The following NDFIP2 variants were observed in gnomAD, a reference collection of about 807,000 sequenced individuals.
NDFIP2 encodes the protein NEDD4 family-interacting protein 2.
Under a neutral mutation model 36.0 loss-of-function variants are expected in NDFIP2, and 19 were observed. The ratio of observed to expected loss-of-function variants is 0.53; its 90% CI spans 0.37 to 0.77. The LOEUF (loss-of-function observed/expected upper bound fraction) is 0.77, where lower values mean the gene tolerates loss of function less well. NDFIP2 is among the 30% of genes least tolerant of loss of function. The pLI is 0.00. For synonymous variants in NDFIP2, 181 were observed against 167.7 expected (o/e 1.08, Z -0.61); for missense variants, 446 against 435.8 (o/e 1.02, Z -0.21).
intron 1 of NDFIP2, among the ~76,000 whole-genome samples, chr13:79,497,630 C>A (rs1873482862): frequency 6.8e-6 from 1 of 146,922 alleles, no homozygotes; most frequent in African/African-American, 2.5e-5. Flanking sequence ...TACTGCCATG[C>A]TGAAACTAGA....
chr13:79,506,047 T>C (rs189942661), intron 1 of NDFIP2, among the ~76,000 whole-genome samples: 179 of 152,300 alleles, frequency 1.2e-3, no homozygotes, highest in African/African-American at 4.0e-3. Flanking sequence ...CTAACAAATA[T>C]GAGTTTTCTA....
rs1876037980 is a variant in NDFIP2 at position 79,554,618 on chromosome 13, A to G, written c.*2105A>G. On this transcript the variant is annotated 3_prime_UTR_variant, in exon 8 of 8. Coordinates refer to ENST00000218652, the MANE Select transcript of NDFIP2 (RefSeq NM_019080.3). ...TAATTCAATGGTAGCCTTAAATCTC[A>G]TCATGTAAGCAGGGGAATCAGAATG... The G allele has an allele frequency of 6.6e-6, 1 of 151,856 alleles. No homozygotes were observed. The allele number at this position is 151,856 out of a possible 1,614,324, so 9.4% of individuals were successfully genotyped here.
At chr13:79,543,466 G>A (rs1420006256) in intron 4 of NDFIP2, 92 bp from the exon 5 acceptor site, 2 of 1,484,696 alleles carry the variant, frequency 1.3e-6, no homozygotes, top group Non-Finnish European at 1.8e-6. Flanking sequence ...GGGAGCTGCT[G>A]TTTCCATTGA....
intron 1 of NDFIP2, among the ~76,000 whole-genome samples, chr13:79,508,484 A>G (rs1039462789): frequency 4.6e-5 from 7 of 152,250 alleles, no homozygotes; most frequent in South Asian, 2.1e-4. Context: ...ATGCTAAACA[A>G]TGGGTGGATC....
At position 79,554,499 on chromosome 13, in the gene NDFIP2, G is replaced by C. The variant is rs1876031453; in HGVS notation, c.*1986G>C. On this transcript the variant is annotated 3_prime_UTR_variant, in exon 8 of 8. Coordinates refer to ENST00000218652, the MANE Select transcript of NDFIP2 (RefSeq NM_019080.3). ...CTGAATATGGATACATGTTACTTTTGATCCAGCATCAAAACTTCACTTTTT... is the reference window on the plus strand; with the variant it reads ...CTGAATATGGATACATGTTACTTTTCATCCAGCATCAAAACTTCACTTTTT... 6.6e-6 allele frequency: 1 copy of C among 151,672 alleles called. No individual in the cohort carries two copies. Among genetic ancestry groups the C allele is most frequent in the Non-Finnish European group, 1.5e-5 (1 of 67,730 alleles). The allele number at this position is 151,672 out of a possible 1,614,324, so 9.4% of individuals were successfully genotyped here.
intron 3 of NDFIP2, among the ~76,000 whole-genome samples, chr13:79,534,095 C>T (rs1392646528): frequency 6.6e-6 from 1 of 152,166 alleles, no homozygotes; most frequent in African/African-American, 2.4e-5. Context: ...CTAACTCACT[C>T]ACTCTGGTTA....
chr13:79,551,794 G>A (rs1226998461), intron 7 of NDFIP2, among the ~76,000 whole-genome samples: 1 of 151,250 alleles, frequency 6.6e-6, no homozygotes, highest in African/African-American at 2.4e-5. Context: ...TTCAGCGGGA[G>A]TATCTTCACA....
At chr13:79,523,973 TG>T (rs1304833002) in intron 2 of NDFIP2, among the ~76,000 whole-genome samples, 1 of 152,218 alleles carries the variant, frequency 6.6e-6, no homozygotes, top group Non-Finnish European at 1.5e-5. Flanking sequence ...CTGCAGAGGT[TG>T]TAGTGCTTCA....
At chr13:79,519,821 G>C (rs538892096) in intron 1 of NDFIP2, among the ~76,000 whole-genome samples, 1 of 152,276 alleles carries the variant, frequency 6.6e-6, no homozygotes, top group South Asian at 2.1e-4. Flanking sequence ...ACGGAGTCTC[G>C]CTCTGTCACT....
At chr13:79,506,104 CATGTT>C (rs1873857048) in intron 1 of NDFIP2, among the ~76,000 whole-genome samples, 1 of 152,118 alleles carries the variant, frequency 6.6e-6, no homozygotes, top group Non-Finnish European at 1.5e-5. Context: ...ATCTCTTTAA[CATGTT>C]ACCTTCTGTC....
At chr13:79,520,715 A>G (rs1874537222) in intron 1 of NDFIP2, 95 bp from the exon 2 acceptor site, 4 of 1,200,650 alleles carry the variant, frequency 3.3e-6, no homozygotes, top group Non-Finnish European at 3.3e-6. Context: ...TGTTTGGCCA[A>G]AAAGCGATAC....
At chr13:79,490,544 A>G (rs867700574) in intron 1 of NDFIP2, among the ~76,000 whole-genome samples, 1 of 152,168 alleles carries the variant, frequency 6.6e-6, no homozygotes, top group Non-Finnish European at 1.5e-5. Flanking sequence ...TCTCTGTCAC[A>G]GCTACTCAGA....
intron 2 of NDFIP2, among the ~76,000 whole-genome samples, chr13:79,523,963 C>T (rs937260574): frequency 6.6e-6 from 1 of 152,176 alleles, no homozygotes; most frequent in African/African-American, 2.4e-5. Flanking sequence ...TGAAGTATTG[C>T]TGCAGAGGTT....
At chr13:79,505,593 CACT>C in intron 1 of NDFIP2, among the ~76,000 whole-genome samples, 1 of 151,354 alleles carries the variant, frequency 6.6e-6, no homozygotes, top group Admixed American at 6.6e-5. Context: ...TGTGCAACTG[CACT>C]CCAGCCTGGG....
intron 1 of NDFIP2, 67 bp downstream of exon 1, chr13:79,481,591 C>T: frequency 6.8e-7 from 1 of 1,473,146 alleles, no homozygotes; most frequent in East Asian, 2.5e-5. Flanking sequence ...AGTCCCTTTC[C>T]TCAGGTTATT....
At chr13:79,549,090 A>G (rs1348339926) in intron 6 of NDFIP2, among the ~76,000 whole-genome samples, 1 of 151,962 alleles carries the variant, frequency 6.6e-6, no homozygotes, top group African/African-American at 2.4e-5. Flanking sequence ...TTCACTCAGA[A>G]TTTTACCAGA....
chr13:79,522,404 TTGTC>T (rs759756026), intron 2 of NDFIP2, among the ~76,000 whole-genome samples: 9 of 152,322 alleles, frequency 5.9e-5, no homozygotes, highest in Non-Finnish European at 1.2e-4. Context: ...CTACTGATGT[TTGTC>T]TGAGTAATGA....
chr13:79,546,150 A>G (rs1022369905), intron 5 of NDFIP2, among the ~76,000 whole-genome samples: 1 of 152,190 alleles, frequency 6.6e-6, no homozygotes, highest in African/African-American at 2.4e-5. Flanking sequence ...TCCAAGTAAA[A>G]CATTCCTCTT....
In NDFIP2 at chr13:79,538,680, T is replaced by C. The variant is rs144683181; in HGVS notation, c.622-1002T>C. On this transcript the variant is annotated intron_variant, in intron 3 of 7. Coordinates refer to ENST00000218652, the MANE Select transcript of NDFIP2 (RefSeq NM_019080.3). ...TCACTGCAGCTGCTACCTCCCGAGTTCAAGCGATTCTCATGCCTCAGCCTC... is the reference window on the plus strand; with the variant it reads ...TCACTGCAGCTGCTACCTCCCGAGTCCAAGCGATTCTCATGCCTCAGCCTC... 6.6e-4 allele frequency among the ~76,000 whole-genome samples: 101 copies of C among 152,196 alleles called. 1 individual carries two copies. The highest frequency in any genetic ancestry group is 2.3e-3 in the African/African-American group (97 of 41,550).
Sources: allele counts gnomAD v4.1 joint callset (sites outside exome capture counted in the v4.1 genomes callset), GRCh38; gene constraint gnomAD v4.1.1; transcripts MANE v1.5; gene names NCBI Gene and HGNC (gene_info 2026-07-23, HGNC 2026-07-21).